FBXO47: variants seen among roughly 807,000 people sequenced by gnomAD.
The protein encoded by FBXO47 is F-box protein 47.
A neutral mutation model predicts 53.9 loss-of-function variants in FBXO47; 34 were observed. The observed-to-expected ratio is 0.63, with a 90% CI of 0.48 to 0.84. FBXO47 has a LOEUF of 0.84. Ranked by LOEUF, FBXO47 falls within the 40% of genes least tolerant of loss-of-function variation. The pLI is 0.00. For synonymous variants in FBXO47, 165 were observed against 181.6 expected (o/e 0.91, Z 0.73); for missense variants, 485 against 541.3 (o/e 0.90, Z 1.03).
In FBXO47 at chr17:38,937,055, G is replaced by A. The variant is rs753042066; in HGVS notation, c.*120C>T. Reference sequence around the variant, plus strand: ...GCTTCTAAAATTCTATCCAGCTTTTGAATTCTTAGGTTACTTAGATGATAA... The same window carrying A: ...GCTTCTAAAATTCTATCCAGCTTTTAAATTCTTAGGTTACTTAGATGATAA... On this transcript the variant is annotated 3_prime_UTR_variant, in exon 11 of 11. Coordinates refer to ENST00000378079, the MANE Select transcript of FBXO47 (RefSeq NM_001008777.3). 79 of 456,420 alleles carry A rather than the reference G, an allele frequency of 1.7e-4. No homozygotes were observed. The highest frequency in any genetic ancestry group is 2.8e-4 in the Non-Finnish European group (72 of 254,026). 28.3% of individuals were successfully genotyped at this position (456,420 alleles called of 1,614,324 possible).
At chr17:38,965,468 T>C (rs1567724380) in intron 1 of FBXO47, among the ~76,000 whole-genome samples, 1 of 152,036 alleles carries the variant, frequency 6.6e-6, no homozygotes, top group Non-Finnish European at 1.5e-5. Context: ...ACAAAGAAAT[T>C]TAGTGTTTAG....
intron 5 of FBXO47, among the ~76,000 whole-genome samples, chr17:38,953,905 T>C (rs1409410435): frequency 6.6e-6 from 1 of 152,182 alleles, no homozygotes; most frequent in Non-Finnish European, 1.5e-5. Flanking sequence ...CCCTGGAATC[T>C]GGGTGAGTAG....
intron 3 of FBXO47, among the ~76,000 whole-genome samples, chr17:38,959,624 TTGTGTGTGTG>T (rs34354922): frequency 1.6e-5 from 2 of 126,200 alleles, no homozygotes; most frequent in East Asian, 2.3e-4. Context: ...CTTCAAAGCA[TTGTGTGTGTG>T]TGTGTGTGTG....
chr17:38,961,635 C>T (rs1012772409), intron 3 of FBXO47, among the ~76,000 whole-genome samples: 3 of 152,194 alleles, frequency 2.0e-5, no homozygotes, highest in African/African-American at 7.2e-5. Context: ...AGACATTAAG[C>T]ATCGGTGACG....
In FBXO47 at chr17:38,943,019, C is replaced by T. The variant is rs1415335188; in HGVS notation, c.941-99G>A. 3 of 1,056,780 alleles carry T rather than the reference C, an allele frequency of 2.8e-6. No homozygotes were observed. The Admixed American group carries it at 7.8e-5, about 27-fold the overall frequency. 65.5% of individuals were successfully genotyped at this position (1,056,780 alleles called of 1,614,324 possible). Reference sequence around the variant, plus strand: ...CAATATTTTATCTTTATTGGAAATACAATTAGTGCCAAGGGAAATGCTCAG... The same window carrying T: ...CAATATTTTATCTTTATTGGAAATATAATTAGTGCCAAGGGAAATGCTCAG... On this transcript the variant is annotated intron_variant, in intron 8 of 10. Coordinates refer to ENST00000378079, the MANE Select transcript of FBXO47 (RefSeq NM_001008777.3).
At chr17:38,962,175 A>T in intron 2 of FBXO47, 128 bp from the exon 3 acceptor site, 1 of 749,246 alleles carries the variant, frequency 1.3e-6, no homozygotes. Flanking sequence ...CCCTTTGGGA[A>T]AAAAGGGAAA....
chr17:38,946,485 AAT>A (rs1352878267), intron 6 of FBXO47, among the ~76,000 whole-genome samples: 1 of 83,766 alleles, frequency 1.2e-5, no homozygotes, highest in African/African-American at 5.0e-5. Context: ...TAACTATATA[AAT>A]ATATATGAAT....
intron 9 of FBXO47, 64 bp downstream of exon 9, chr17:38,942,714 C>A (rs1904565156): frequency 2.3e-6 from 3 of 1,302,178 alleles, no homozygotes; most frequent in South Asian, 1.4e-5. Flanking sequence ...TCCTTCAGGG[C>A]AGCTCCCTGT....
chr17:38,946,478 C>A (rs1194628735), intron 6 of FBXO47, among the ~76,000 whole-genome samples: 43 of 60,520 alleles, frequency 7.1e-4, no homozygotes, highest in African/African-American at 1.2e-3. Flanking sequence ...ATATATATAA[C>A]TATATAAATA....
intron 6 of FBXO47, among the ~76,000 whole-genome samples, chr17:38,947,257 A>T (rs532361489): frequency 6.6e-6 from 1 of 151,618 alleles, no homozygotes; most frequent in East Asian, 1.9e-4. Context: ...CTGAGATCTC[A>T]CAACTGCACT....
chr17:38,948,084 C>T (rs961845075), intron 6 of FBXO47, among the ~76,000 whole-genome samples: 6 of 151,958 alleles, frequency 3.9e-5, no homozygotes, highest in African/African-American at 1.5e-4. Flanking sequence ...AGAACATTTT[C>T]ATCACTTCAA....
At chr17:38,949,357 T>C (rs771181955) in intron 6 of FBXO47, among the ~76,000 whole-genome samples, 2 of 151,862 alleles carry the variant, frequency 1.3e-5, no homozygotes, top group African/African-American at 4.8e-5. Flanking sequence ...GAAGTGGAGG[T>C]TGCAGTGAGC....
chr17:38,951,858 T>A (rs1905309035), intron 5 of FBXO47, among the ~76,000 whole-genome samples, 169 bp from the exon 6 acceptor site: 1 of 151,746 alleles, frequency 6.6e-6, no homozygotes, highest in African/African-American at 2.4e-5. Flanking sequence ...TAGTAAAACC[T>A]TGTCTCTACT....
intron 3 of FBXO47, among the ~76,000 whole-genome samples, chr17:38,958,367 A>G (rs1364503424): frequency 6.6e-6 from 1 of 152,058 alleles, no homozygotes; most frequent in African/African-American, 2.4e-5. Flanking sequence ...CCCCACAGAA[A>G]GTATCCAGTT....
intron 2 of FBXO47, among the ~76,000 whole-genome samples, chr17:38,962,608 A>AAATAAT (rs58127654): frequency 0.035 from 5,049 of 146,254 alleles, 271 homozygotes; most frequent in African/African-American, 0.12. Context: ...CTCCATCTCA[A>AAATAAT]AATAATAATA....
At chr17:38,946,411 T>G (rs1323854409) in intron 6 of FBXO47, among the ~76,000 whole-genome samples, 1 of 85,736 alleles carries the variant, frequency 1.2e-5, no homozygotes, top group African/African-American at 6.2e-5. Flanking sequence ...AATATATAGA[T>G]ATATATATAA....
At chr17:38,941,642 A>ATATATATATATATATATATATATG (rs924192946) in intron 9 of FBXO47, among the ~76,000 whole-genome samples, 2 of 144,230 alleles carry the variant, frequency 1.4e-5, no homozygotes, top group African/African-American at 5.1e-5. Context: ...ATATATATAT[A>ATATATATATATATATATATATATG]TATGTATGTG....
At chr17:38,960,844 G>A (rs553532845) in intron 3 of FBXO47, among the ~76,000 whole-genome samples, 2 of 152,004 alleles carry the variant, frequency 1.3e-5, no homozygotes, top group South Asian at 4.1e-4. Context: ...GTTGGCCAGA[G>A]TAGTCTTGAA....
intron 10 of FBXO47, 90 bp from the exon 11 acceptor site, chr17:38,937,380 A>T (rs367873178): frequency 3.9e-5 from 17 of 436,794 alleles, no homozygotes; most frequent in African/African-American, 8.4e-5. Context: ...TTTTTGAGAC[A>T]CAGTCTCCCC....
Sources: gnomAD v4.1 joint callset for allele counts (sites outside exome capture counted in the v4.1 genomes callset) on GRCh38, gnomAD v4.1.1 for gene constraint, MANE v1.5 for transcripts, NCBI Gene and HGNC (gene_info 2026-07-23, HGNC 2026-07-21) for gene names.